NPAS3: variants seen among roughly 807,000 people sequenced by gnomAD.
NPAS3 encodes the protein neuronal PAS domain protein 3.
In NPAS3, 14 loss-of-function variants were observed where a neutral mutation model predicts 73.1. The ratio of observed to expected loss-of-function variants is 0.19; its 90% CI spans 0.13 to 0.30. The LOEUF (loss-of-function observed/expected upper bound fraction) is 0.30. Ranked by LOEUF, NPAS3 falls within the 10% of genes least tolerant of loss-of-function variation. The pLI is 1.00. For synonymous variants in NPAS3, 620 were observed against 541.5 expected, an observed-to-expected ratio of 1.14 and a Z score of -2.01; for missense variants, 1,096 against 1,250.0, an observed-to-expected ratio of 0.88 and a Z score of 1.86.
At chr14:32,992,779 A>G (rs1450702220) in intron 1 of NPAS3, among the ~76,000 whole-genome samples, 2 of 152,204 alleles carry the variant, frequency 1.3e-5, no homozygotes, top group East Asian at 3.8e-4. Context: ...GATGACTCCA[A>G]AGTTTTACGT....
intron 5 of NPAS3, among the ~76,000 whole-genome samples, chr14:33,571,505 A>G (rs1293931111): frequency 1.3e-5 from 2 of 152,214 alleles, no homozygotes; most frequent in Non-Finnish European, 2.9e-5. Flanking sequence ...CATCTAGCAT[A>G]TCTACTGGGG....
At chr14:33,413,318 A>G (rs1438870593) in intron 4 of NPAS3, among the ~76,000 whole-genome samples, 1 of 141,872 alleles carries the variant, frequency 7.0e-6, no homozygotes. Flanking sequence ...GCACTTTTTT[A>G]TTGTTTTCTG....
intron 1 of NPAS3, among the ~76,000 whole-genome samples, chr14:32,990,531 G>C (rs114063992): frequency 6.6e-6 from 1 of 152,004 alleles, no homozygotes; most frequent in Non-Finnish European, 1.5e-5. Flanking sequence ...GAATGTTTTA[G>C]TAATAATGGA....
chr14:33,245,726 G>A (rs917004184), intron 3 of NPAS3, among the ~76,000 whole-genome samples: 8 of 152,066 alleles, frequency 5.3e-5, no homozygotes, highest in Non-Finnish European at 1.2e-4. Context: ...ACACTGTGTT[G>A]AGGACCTATT....
At position 33,150,250 on chromosome 14, in the gene NPAS3, A is replaced by C. The variant is rs148555705; in HGVS notation, c.141-64932A>C. On this transcript the variant is annotated intron_variant, in intron 2 of 11. Transcript: ENST00000356141. ...ACCCCTCAGGCAGAATTTTCTCTAA[A>C]AAAGAATTACTGAATTAAGTGAGCA... Among the ~76,000 whole-genome samples, 22 of 152,288 alleles carry C rather than the reference A, an allele frequency of 1.4e-4. No homozygotes were observed. The East Asian group carries it at 4.1e-3, about 28-fold the overall frequency.
At position 33,066,850 on chromosome 14, in the gene NPAS3, CTGGTTTTCTA is replaced by C. The variant is rs1459062097; in HGVS notation, c.140+10859_140+10868del. Among the ~76,000 whole-genome samples the C allele has an allele frequency of 3.3e-5, 5 of 152,128 alleles. No homozygotes were observed. The East Asian group carries it at 7.7e-4, about 23-fold the overall frequency. On this transcript the variant is annotated intron_variant, in intron 2 of 11. Coordinates refer to ENST00000356141, the Ensembl canonical transcript of NPAS3. ...GGCCCCATTCCTACTTCTGTGTTGGCTGGTTTTCTATGTGCAATAATGCATAGACTGCATA... is the reference window on the plus strand; with the variant it reads ...GGCCCCATTCCTACTTCTGTGTTGGCTGTGCAATAATGCATAGACTGCATA...
intron 5 of NPAS3, among the ~76,000 whole-genome samples, chr14:33,620,800 C>T (rs2058056527): frequency 6.6e-6 from 1 of 152,206 alleles, no homozygotes; most frequent in East Asian, 1.9e-4. Flanking sequence ...TTCAGCTTGA[C>T]TAATAAACAG....
At chr14:33,099,441 A>C (rs1406458938) in intron 2 of NPAS3, among the ~76,000 whole-genome samples, 1 of 152,208 alleles carries the variant, frequency 6.6e-6, no homozygotes, top group Non-Finnish European at 1.5e-5. Flanking sequence ...CAGGTTCAGA[A>C]GCCTTGCTTT....
chr14:33,244,810 C>A (rs1421208222), intron 3 of NPAS3, among the ~76,000 whole-genome samples: 2 of 152,168 alleles, frequency 1.3e-5, no homozygotes, highest in Non-Finnish European at 2.9e-5. Context: ...GTAAAGGCCA[C>A]CCCATAGGTG....
rs571689591 is a variant in NPAS3 at position 33,544,790 on chromosome 14, A to T, written c.469-15331A>T. Among the ~76,000 whole-genome samples the T allele has an allele frequency of 7.8e-3, 414 of 53,364 alleles. 17 individuals carry two copies. Among genetic ancestry groups the T allele is most frequent in the Admixed American group, 0.012 (64 of 5,200 alleles). The allele number at this position is 53,364 out of a possible 152,430, so 35.0% of individuals were successfully genotyped here. The stretch of plus-strand genomic sequence containing the variant: ...ATGTATGTGTTTATGTGTGTGTATT[A>T]TATATATATATATATATATATGTAT... On this transcript the variant is annotated intron_variant, in intron 4 of 11. Coordinates refer to ENST00000356141, the Ensembl canonical transcript of NPAS3.
intron 6 of NPAS3, among the ~76,000 whole-genome samples, chr14:33,677,504 C>G (rs140685517): frequency 7.9e-5 from 12 of 151,594 alleles, no homozygotes; most frequent in African/African-American, 2.9e-4. Context: ...ATTTTATTAA[C>G]AAGAAAAATA....
chr14:33,362,557 C>T (rs1361229258), intron 3 of NPAS3, among the ~76,000 whole-genome samples: 3 of 152,090 alleles, frequency 2.0e-5, no homozygotes, highest in African/African-American at 7.2e-5. Flanking sequence ...TTAGCCAAAG[C>T]CCAGGAAGTC....
intron 2 of NPAS3, among the ~76,000 whole-genome samples, chr14:33,145,090 T>C (rs2044190523): frequency 6.6e-6 from 1 of 152,022 alleles, no homozygotes; most frequent in African/African-American, 2.4e-5. Flanking sequence ...AGGGGAGATA[T>C]TTGATGCCAA....
chr14:33,517,775 C>T (rs537693279), intron 4 of NPAS3, among the ~76,000 whole-genome samples: 48 of 152,084 alleles, frequency 3.2e-4, no homozygotes, highest in Admixed American at 1.4e-3. Context: ...ATCTAGTTCC[C>T]GCCCCCAGGC....
In NPAS3 at chr14:33,178,070, A is replaced by ATTTTTTTTTTTTTTTTTTTTTT. The variant is rs780708461; in HGVS notation, c.141-37104_141-37103insTTTTTTTTTTTTTTTTTTTTTT. Among the ~76,000 whole-genome samples, 11 of 123,868 alleles carry ATTTTTTTTTTTTTTTTTTTTTT rather than the reference A, an allele frequency of 8.9e-5. 4 individuals are homozygous for ATTTTTTTTTTTTTTTTTTTTTT. Among genetic ancestry groups the ATTTTTTTTTTTTTTTTTTTTTT allele is most frequent in the Non-Finnish European group, 1.5e-4 (9 of 60,560 alleles). The allele number at this position is 123,868 out of a possible 152,430, so 81.3% of individuals were successfully genotyped here. On this transcript the variant is annotated intron_variant, in intron 2 of 11. Coordinates refer to ENST00000356141, the Ensembl canonical transcript of NPAS3. ...GGAATTTTGATAGGCATTGAAGTGA[A>ATTTTTTTTTTTTTTTTTTTTTT]TTTTTTTTGTTTTTTTTTTTTTGGA...
At chr14:33,212,078 T>C (rs1258648691) in intron 2 of NPAS3, among the ~76,000 whole-genome samples, 1 of 152,236 alleles carries the variant, frequency 6.6e-6, no homozygotes, top group Non-Finnish European at 1.5e-5. Flanking sequence ...GGTTTTAATA[T>C]AGTTCTTAAT....
At chr14:33,576,483 G>C (rs988423467) in intron 5 of NPAS3, among the ~76,000 whole-genome samples, 2 of 152,134 alleles carry the variant, frequency 1.3e-5, no homozygotes, top group African/African-American at 4.8e-5. Context: ...AGTATAAACA[G>C]ACTGGAGGGC....
intron 4 of NPAS3, among the ~76,000 whole-genome samples, chr14:33,513,492 G>C (rs1462912612): frequency 6.6e-6 from 1 of 151,926 alleles, no homozygotes; most frequent in Non-Finnish European, 1.5e-5. Context: ...GTAGGTATTG[G>C]TTCCATAATT....
intron 4 of NPAS3, among the ~76,000 whole-genome samples, chr14:33,506,986 C>A (rs1379783598): frequency 6.7e-6 from 1 of 150,368 alleles, no homozygotes; most frequent in Non-Finnish European, 1.5e-5. Context: ...TTAATCAGGC[C>A]AAAGGAGATC....
Sources: allele counts gnomAD v4.1 joint callset (sites outside exome capture counted in the v4.1 genomes callset), GRCh38; gene constraint gnomAD v4.1.1; transcripts MANE v1.5; gene names NCBI Gene and HGNC (gene_info 2026-07-23, HGNC 2026-07-21).